Variants in ACTR3C observed in about 807,000 individuals in gnomAD.
ACTR3C encodes the protein actin-related protein 3C.
Under a neutral mutation model 26.3 loss-of-function variants are expected in ACTR3C, and 18 were observed. The ratio of observed to expected loss-of-function variants is 0.68; its 90% confidence interval spans 0.47 to 1.01. The LOEUF is 1.01. Among genes scored for constraint, ACTR3C ranks in the 50% least tolerant of loss-of-function variants. The pLI, the probability that ACTR3C is intolerant of heterozygous loss-of-function variation, is 0.00. For synonymous variants in ACTR3C, 55 were observed against 94.5 expected (o/e 0.58, Z 2.42); for missense variants, 184 against 250.7 (o/e 0.73, Z 1.80).
chr7:149,927,880 C>T, the ACTR3C span, among the ~76,000 whole-genome samples: 2 of 152,240 alleles, frequency 1.3e-5, no homozygotes, highest in Non-Finnish European at 2.9e-5. Context: ...CTGTCACCTT[C>T]ACCATTCTAT....
the ACTR3C span, among the ~76,000 whole-genome samples, chr7:150,180,511 C>CTTTTTTT: frequency 8.0e-6 from 1 of 125,772 alleles, no homozygotes. Flanking sequence ...AGTAGTATAT[C>CTTTTTTT]TTTTTTTTTT....
chr7:149,978,964 G>A, the ACTR3C span, among the ~76,000 whole-genome samples: 677 of 151,860 alleles, frequency 4.5e-3, 1 homozygote, highest in African/African-American at 0.016. Context: ...GGGTCCTACC[G>A]TGAGCGGAAA....
At chr7:149,942,411 GT>G in the ACTR3C span, among the ~76,000 whole-genome samples, 1 of 151,888 alleles carries the variant, frequency 6.6e-6, no homozygotes, top group Admixed American at 6.5e-5. Flanking sequence ...TTGGTGGGCT[GT>G]TTTTTCTGTT....
At chr7:149,882,015 A>G in the ACTR3C span, 1 of 152,660 alleles carries the variant, frequency 6.6e-6, no homozygotes, top group African/African-American at 2.4e-5. Context: ...GGACCCAGTG[A>G]AGCTGGACCT....
intron 5 of ACTR3C, among the ~76,000 whole-genome samples, chr7:150,285,119 C>G (rs1425900624): frequency 6.6e-6 from 1 of 152,090 alleles, no homozygotes; most frequent in African/African-American, 2.4e-5. Flanking sequence ...CATGAATACA[C>G]AGTGATTCAG....
intron 1 of ACTR3C, chr7:150,302,750 A>T (rs986308766): frequency 9.9e-5 from 15 of 152,070 alleles, no homozygotes; most frequent in African/African-American, 3.6e-4. Flanking sequence ...GTGAAGTGTT[A>T]AACTCCGAGT....
the ACTR3C span, among the ~76,000 whole-genome samples, chr7:149,898,550 A>G: frequency 6.6e-6 from 1 of 151,950 alleles, no homozygotes; most frequent in African/African-American, 2.4e-5. Flanking sequence ...CTAAAAATAC[A>G]AAAATTAGCT....
chr7:149,889,039 T>A, the ACTR3C span, among the ~76,000 whole-genome samples: 1,952 of 149,446 alleles, frequency 0.013, 26 homozygotes, highest in African/African-American at 0.045. Context: ...AAAAAGAAAT[T>A]AAAAAAAAAC....
intron 1 of ACTR3C, among the ~76,000 whole-genome samples, chr7:150,301,337 A>G (rs56402329): frequency 0.2 from 30,958 of 152,188 alleles, 4,022 homozygotes; most frequent in East Asian, 0.3. Flanking sequence ...AGAGATGCCT[A>G]TTTAACCTGA....
At chr7:150,079,624 C>T in the ACTR3C span, among the ~76,000 whole-genome samples, 5 of 152,160 alleles carry the variant, frequency 3.3e-5, no homozygotes, top group Non-Finnish European at 5.9e-5. Context: ...CTCTGCCTGG[C>T]GTTTCCCACA....
chr7:149,910,793 G>A, the ACTR3C span, among the ~76,000 whole-genome samples: 1,803 of 151,944 alleles, frequency 0.012, 35 homozygotes, highest in African/African-American at 0.041. Context: ...TTTACCATAT[G>A]CTAATTTTAC....
chr7:150,221,077 G>C, the ACTR3C span, among the ~76,000 whole-genome samples: 262 of 152,384 alleles, frequency 1.7e-3, 2 homozygotes, highest in African/African-American at 6.0e-3. Flanking sequence ...ACCCGGGCTC[G>C]TTAGCCCAGG....
At chr7:149,996,386 T>C in the ACTR3C span, among the ~76,000 whole-genome samples, 1 of 150,168 alleles carries the variant, frequency 6.7e-6, no homozygotes, top group African/African-American at 2.4e-5. Flanking sequence ...AAAAGTCTGT[T>C]GCATGAGGCA....
chr7:150,318,592 T>C (rs1797178879), intron 1 of ACTR3C, among the ~76,000 whole-genome samples: 1 of 152,148 alleles, frequency 6.6e-6, no homozygotes, highest in Admixed American at 6.5e-5. Context: ...TGAAATCCCA[T>C]CTGTACTAAA....
chr7:149,916,987 C>T, the ACTR3C span, among the ~76,000 whole-genome samples: 1 of 152,184 alleles, frequency 6.6e-6, no homozygotes, highest in African/African-American at 2.4e-5. Flanking sequence ...TTACACTACC[C>T]CATTTCTGCC....
the ACTR3C span, among the ~76,000 whole-genome samples, chr7:150,037,782 G>T: frequency 7.4e-5 from 3 of 40,310 alleles, no homozygotes; most frequent in Admixed American, 7.1e-4. Flanking sequence ...CCCCTCCTGC[G>T]ATGGGGGTCC....
chr7:150,139,027 TG>T, the ACTR3C span, among the ~76,000 whole-genome samples: 1 of 152,280 alleles, frequency 6.6e-6, no homozygotes, highest in Non-Finnish European at 1.5e-5. Context: ...TTCTATATTA[TG>T]GGGAGTTGTA....
the ACTR3C span, among the ~76,000 whole-genome samples, chr7:149,893,548 A>G: frequency 3.3e-5 from 5 of 152,242 alleles, no homozygotes; most frequent in Non-Finnish European, 7.3e-5. Context: ...TGGAAGCTTA[A>G]CAATCTATCA....
the ACTR3C span, among the ~76,000 whole-genome samples, chr7:150,049,916 G>A: frequency 6.6e-6 from 1 of 152,248 alleles, no homozygotes; most frequent in East Asian, 1.9e-4. Context: ...CAACAGCTAA[G>A]CAAAACTTGC....
Sources: gnomAD v4.1 joint callset for allele counts (sites outside exome capture counted in the v4.1 genomes callset) on GRCh38, gnomAD v4.1.1 for gene constraint, MANE v1.5 for transcripts, NCBI Gene and HGNC (gene_info 2026-07-23, HGNC 2026-07-21) for gene names.